APBB2: variants seen among roughly 807,000 people sequenced by gnomAD.
The protein encoded by APBB2 is Fe65-like 1.
APBB2 carries 38 observed loss-of-function variants against 82.5 expected under a neutral mutation model. The ratio of observed to expected loss-of-function variants is 0.46; its 90% CI spans 0.36 to 0.60. The LOEUF is 0.60. APBB2 is among the 20% of genes least tolerant of loss of function. APBB2 has a pLI of 0.00. For synonymous variants in APBB2, 341 were observed against 368.2 expected (o/e 0.93, Z 0.85); for missense variants, 772 against 972.3 (o/e 0.79, Z 2.74).
At chr4:40,961,751 A>T in intron 6 of APBB2, among the ~76,000 whole-genome samples, 1 of 141,680 alleles carries the variant, frequency 7.1e-6, no homozygotes, top group East Asian at 2.3e-4. Flanking sequence ...CTGAAACATC[A>T]TATTGTTGGA....
chr4:40,919,036 G>C (rs772115462), intron 10 of APBB2, among the ~76,000 whole-genome samples: 2 of 152,124 alleles, frequency 1.3e-5, no homozygotes, highest in Non-Finnish European at 2.9e-5. Flanking sequence ...TGGAGGTTGA[G>C]AACAGACTGG....
chr4:40,964,384 CTG>C (rs1230619607), intron 6 of APBB2, among the ~76,000 whole-genome samples: 1 of 151,652 alleles, frequency 6.6e-6, no homozygotes, highest in Non-Finnish European at 1.5e-5. Context: ...AATTGCAATG[CTG>C]TGTTTTTCAC....
chr4:40,985,282 T>TA (rs34177316), intron 6 of APBB2, among the ~76,000 whole-genome samples: 117,534 of 151,098 alleles, frequency 0.78, 46,954 homozygotes, highest in East Asian at 0.95. Context: ...TGTCTTTTCT[T>TA]AAAAAAAAAT....
chr4:41,188,680 A>T (rs907719295), intron 1 of APBB2, among the ~76,000 whole-genome samples: 1 of 152,208 alleles, frequency 6.6e-6, no homozygotes, highest in African/African-American at 2.4e-5. Flanking sequence ...GAACAGACTA[A>T]AACAGTGCCT....
intron 4 of APBB2, among the ~76,000 whole-genome samples, chr4:41,064,947 T>C (rs1222313771): frequency 1.3e-5 from 2 of 152,258 alleles, no homozygotes; most frequent in Non-Finnish European, 2.9e-5. Context: ...GTTAACATAT[T>C]GTGATGAAAA....
At chr4:41,208,996 A>C (rs555775534) in intron 1 of APBB2, among the ~76,000 whole-genome samples, 1 of 152,252 alleles carries the variant, frequency 6.6e-6, no homozygotes, top group African/African-American at 2.4e-5. Context: ...TCTACACACA[A>C]AGAGCTCTAA....
rs1037089547 is a variant in APBB2 at position 40,815,399 on chromosome 4, T to A, written c.*693A>T. On this transcript the variant is annotated 3_prime_UTR_variant, in exon 18 of 18. Coordinates refer to ENST00000508593, the MANE Select transcript of APBB2 (RefSeq NM_004307.2). Reference sequence around the variant, plus strand: ...ATCGGAAAAGAAAGGCTATGTTTTGTTCGATTTTAATTCCTCGAATTTAGT... The same window carrying A: ...ATCGGAAAAGAAAGGCTATGTTTTGATCGATTTTAATTCCTCGAATTTAGT... 2.6e-5 allele frequency: 4 copies of A among 152,602 alleles called. No homozygotes were observed. Among genetic ancestry groups the A allele is most frequent in the African/African-American group, 9.6e-5 (4 of 41,466 alleles). The allele number at this position is 152,602 out of a possible 1,614,324, so 9.5% of individuals were successfully genotyped here.
chr4:40,884,537 G>A (rs1769637323), intron 12 of APBB2, among the ~76,000 whole-genome samples: 1 of 152,166 alleles, frequency 6.6e-6, no homozygotes, highest in Non-Finnish European at 1.5e-5. Flanking sequence ...AGCACTTTGG[G>A]AGGCCGAAGT....
At chr4:41,198,317 C>G in intron 1 of APBB2, among the ~76,000 whole-genome samples, 1 of 152,154 alleles carries the variant, frequency 6.6e-6, no homozygotes, top group Non-Finnish European at 1.5e-5. Flanking sequence ...CTGCCTGGGC[C>G]AACATGTACA....
intron 3 of APBB2, among the ~76,000 whole-genome samples, chr4:41,096,586 C>T (rs1039336359): frequency 4.6e-5 from 7 of 152,240 alleles, no homozygotes; most frequent in African/African-American, 1.7e-4. Context: ...CCACTCTCTA[C>T]ATTTACCAAT....
intron 10 of APBB2, among the ~76,000 whole-genome samples, chr4:40,900,819 A>G (rs1358492644): frequency 6.6e-6 from 1 of 150,378 alleles, no homozygotes; most frequent in Non-Finnish European, 1.5e-5. Flanking sequence ...CATGAAATTG[A>G]GCTGAGCCTT....
chr4:40,999,866 T>C (rs763546921), intron 6 of APBB2, among the ~76,000 whole-genome samples: 114 of 152,088 alleles, frequency 7.5e-4, no homozygotes, highest in Non-Finnish European at 1.3e-3. Flanking sequence ...CATTCAAACA[T>C]AAATACCTAT....
At chr4:41,001,170 T>A (rs1334666831) in intron 6 of APBB2, among the ~76,000 whole-genome samples, 16 of 152,214 alleles carry the variant, frequency 1.1e-4, no homozygotes, top group Admixed American at 1.0e-3. Flanking sequence ...GTTGGAGTCA[T>A]CTCCATTCTC....
chr4:40,852,305 C>T (rs1450170115), intron 12 of APBB2, among the ~76,000 whole-genome samples: 3 of 141,788 alleles, frequency 2.1e-5, no homozygotes, highest in Non-Finnish European at 3.0e-5. Flanking sequence ...GGGCCGAGAT[C>T]GTGACACTGC....
intron 5 of APBB2, among the ~76,000 whole-genome samples, chr4:41,022,498 T>A (rs148815085): frequency 8.7e-4 from 132 of 152,334 alleles, no homozygotes; most frequent in African/African-American, 3.1e-3. Flanking sequence ...AAATTCCTAC[T>A]CCTCTTTGAA....
intron 1 of APBB2, among the ~76,000 whole-genome samples, chr4:41,203,190 T>C (rs1777125350): frequency 6.6e-6 from 1 of 151,242 alleles, no homozygotes; most frequent in South Asian, 2.1e-4. Flanking sequence ...TTGCAGCTTG[T>C]AAAAAAAAGA....
chr4:41,059,206 A>G (rs1308213139), intron 4 of APBB2, among the ~76,000 whole-genome samples: 1 of 152,212 alleles, frequency 6.6e-6, no homozygotes, highest in Non-Finnish European at 1.5e-5. Flanking sequence ...CACGCCTATA[A>G]TCCCAGCACT....
At chr4:40,982,354 G>GAAA (rs1799059804) in intron 6 of APBB2, among the ~76,000 whole-genome samples, 1 of 16,116 alleles carries the variant, frequency 6.2e-5, no homozygotes, top group Non-Finnish European at 1.1e-4. Context: ...AAGGAAGGAA[G>GAAA]GAAGGAAGGA....
intron 12 of APBB2, among the ~76,000 whole-genome samples, chr4:40,843,750 GCT>G (rs1299001677): frequency 6.6e-6 from 1 of 152,192 alleles, no homozygotes; most frequent in African/African-American, 2.4e-5. Context: ...CCTTTATTGA[GCT>G]CTGTTTGGCC....
Sources: gnomAD v4.1 joint callset for allele counts (sites outside exome capture counted in the v4.1 genomes callset) on GRCh38, gnomAD v4.1.1 for gene constraint, MANE v1.5 for transcripts, NCBI Gene and HGNC (gene_info 2026-07-23, HGNC 2026-07-21) for gene names.